KCNA6: variants seen among roughly 807,000 people sequenced by gnomAD.
The protein encoded by KCNA6 is potassium voltage-gated channel subfamily A member 6, also known as human brain potassium channel-2.
A neutral mutation model predicts 29.5 loss-of-function variants in KCNA6; 17 were observed. The observed-to-expected ratio is 0.58, with a 90% CI of 0.39 to 0.86. The LOEUF (loss-of-function observed/expected upper bound fraction) is 0.86, where lower values mean the gene tolerates loss of function less well. Among genes scored for constraint, KCNA6 ranks in the 40% least tolerant of loss-of-function variants. The probability of loss-of-function intolerance (pLI) is 0.00; values close to 1 mark genes in which losing one functional copy is unlikely to be tolerated. For missense variants in KCNA6, 450 were observed against 703.4 expected (o/e 0.64, Z 4.07); for synonymous variants, 296 against 304.7 (o/e 0.97, Z 0.30).
chr12:4,818,084 T>C (rs1025714218), downstream of KCNA6, among the ~76,000 whole-genome samples: 2 of 151,920 alleles, frequency 1.3e-5, no homozygotes, highest in African/African-American at 2.4e-5. Context: ...AAAAAGAACA[T>C]AGGAAGACAG....
the KCNA6 span, among the ~76,000 whole-genome samples, chr12:4,838,469 C>T: frequency 6.6e-6 from 1 of 152,190 alleles, no homozygotes; most frequent in African/African-American, 2.4e-5. Flanking sequence ...AAGACAGCTG[C>T]TTTTCTTGAC....
chr12:4,809,939 AC>A, exon 1 of KCNA6: 1 of 1,359,544 alleles, frequency 7.4e-7, no homozygotes, highest in East Asian at 2.4e-5. Context: ...CGCGGGCCCC[AC>A]CCTAAAGAGG....
At chr12:4,833,924 A>T in the KCNA6 span, among the ~76,000 whole-genome samples, 1 of 114,924 alleles carries the variant, frequency 8.7e-6, no homozygotes, top group East Asian at 2.5e-4. Context: ...CTTCTTTTTT[A>T]AATTAAATTT....
chr12:4,838,093 G>A, the KCNA6 span, among the ~76,000 whole-genome samples: 1 of 152,308 alleles, frequency 6.6e-6, no homozygotes, highest in South Asian at 2.1e-4. Context: ...TTCGGCTGCA[G>A]GGTCTCATAA....
At chr12:4,824,942 C>G in the KCNA6 span, among the ~76,000 whole-genome samples, 3 of 152,108 alleles carry the variant, frequency 2.0e-5, no homozygotes, top group Admixed American at 2.0e-4. Context: ...AATAATTGAG[C>G]AGGAAGAGAA....
At chr12:4,830,812 T>G in the KCNA6 span, among the ~76,000 whole-genome samples, 16 of 152,338 alleles carry the variant, frequency 1.1e-4, no homozygotes, top group African/African-American at 3.6e-4. Flanking sequence ...TTGCAGGCAA[T>G]GCGGGCAGGG....
At chr12:4,835,426 A>G in the KCNA6 span, among the ~76,000 whole-genome samples, 12 of 151,894 alleles carry the variant, frequency 7.9e-5, no homozygotes, top group East Asian at 3.9e-4. Context: ...GAGCCACCAC[A>G]CCTGGCCAAG....
Position 4,810,053 on chromosome 12 carries a change from G to T in KCNA6, c.12G>T (p.Glu4Asp). The change falls in exon 1 of 1, where the codon GAG becomes GAT. Residue 4 changes from glutamate (E) to aspartate (D), a missense_variant. By Grantham distance (45) the Glu-to-Asp change is conservative. Around this residue, in one of 7 missense-constraint regions of KCNA6, gnomAD observed 72 missense variants for 64.2 expected, o/e 1.12. Transcript: ENST00000280684. This position sits in a 1 kb window ranked among gnomAD's most constrained non-coding sequence, Gnocchi z 7.5. ...ACCTCCGAGGGGGCATGAGATCGGA[G>T]AAATCCCTTACGCTGGCGGCGCCGG... 1 of 1,537,642 alleles carries T rather than the reference G, an allele frequency of 6.5e-7. No individual in the cohort carries two copies. The highest frequency in any genetic ancestry group is 8.7e-7 in the Non-Finnish European group (1 of 1,145,532).
chr12:4,810,568 T>C lies in KCNA6; in HGVS notation c.527T>C (p.Ile176Thr), dbSNP rs747477866. 1 of 1,614,162 alleles carries C rather than the reference T, an allele frequency of 6.2e-7. No individual in the cohort carries two copies. The highest frequency in any genetic ancestry group is 8.5e-7 in the Non-Finnish European group (1 of 1,180,028). The change falls in exon 1 of 1, where the codon ATC (isoleucine) becomes ACC (threonine). Residue 176 changes from isoleucine (I) to threonine (T), a missense_variant. Coordinates refer to ENST00000280684, the Ensembl canonical transcript of KCNA6. This position sits in a 1 kb window ranked among gnomAD's most constrained non-coding sequence, Gnocchi z 7.5. ...GAGAGCTCTGGGCCGGCCAGGGGCA[T>C]CGCCATCGTCTCCGTGTTGGTCATT...
At chr12:4,812,364 C>T (rs1946640759) in exon 1 of KCNA6, 2 of 167,268 alleles carry the variant, frequency 1.2e-5, no homozygotes, top group Middle Eastern at 6.7e-3. Flanking sequence ...CTCTGATCCC[C>T]TGACTCTCCA....
chr12:4,829,974 C>T, the KCNA6 span, among the ~76,000 whole-genome samples: 1 of 152,214 alleles, frequency 6.6e-6, no homozygotes, highest in South Asian at 2.1e-4. Context: ...GGCTCATGGC[C>T]AGTCCTGCCA....
Position 4,810,494 on chromosome 12 carries a change from G to C in KCNA6, c.453G>C (p.Leu151=), listed in dbSNP as rs751476842. Residue 151 remains leucine, a synonymous_variant, in exon 1 of 1, where the codon CTG becomes CTC. Coordinates refer to ENST00000280684, the Ensembl canonical transcript of KCNA6. This position sits in a 1 kb window ranked among gnomAD's most constrained non-coding sequence, Gnocchi z 7.5. ...AAGGTGGCGAGGACGAGAAGCCGCTGCCCTCCCAGCCCTTCCAGCGCCAGG... is the reference window on the plus strand; with the variant it reads ...AAGGTGGCGAGGACGAGAAGCCGCTCCCCTCCCAGCCCTTCCAGCGCCAGG... 10 of 1,614,066 alleles carry C rather than the reference G, an allele frequency of 6.2e-6. No individual in the cohort carries two copies. The highest frequency in any genetic ancestry group is 8.5e-7 in the Non-Finnish European group (1 of 1,180,054).
At chr12:4,842,301 T>C in the KCNA6 span, among the ~76,000 whole-genome samples, 95 of 152,168 alleles carry the variant, frequency 6.2e-4, no homozygotes, top group Non-Finnish European at 9.0e-4. Context: ...AAAGACCCCA[T>C]GATGACAGAA....
At chr12:4,813,054 A>G (rs1165861818) in exon 1 of KCNA6, 1 of 167,062 alleles carries the variant, frequency 6.0e-6, no homozygotes, top group Non-Finnish European at 1.5e-5. Context: ...TTTTGGGTGC[A>G]GTTCTGAAAC....
the KCNA6 span, among the ~76,000 whole-genome samples, chr12:4,826,674 G>A: frequency 2.0e-4 from 30 of 152,226 alleles, 1 homozygote; most frequent in African/African-American, 7.2e-4. Context: ...CAACGACTGG[G>A]TTTCTGCTTG....
the KCNA6 span, among the ~76,000 whole-genome samples, chr12:4,841,236 G>A: frequency 1.5e-4 from 23 of 152,068 alleles, 1 homozygote; most frequent in Admixed American, 3.3e-4. Flanking sequence ...TTCTCATGGT[G>A]GCCCCATCAG....
the KCNA6 span, among the ~76,000 whole-genome samples, chr12:4,834,772 C>G: frequency 2.0e-5 from 3 of 152,182 alleles, no homozygotes; most frequent in Non-Finnish European, 2.9e-5. Flanking sequence ...GTCTCCTACT[C>G]TCATCGACCT....
chr12:4,845,984 G>GTTTTT, the KCNA6 span, among the ~76,000 whole-genome samples: 7,556 of 129,232 alleles, frequency 0.058, 414 homozygotes, highest in African/African-American at 0.1. Flanking sequence ...GAATTTTAGA[G>GTTTTT]TTTTTTTTTT....
the KCNA6 span, among the ~76,000 whole-genome samples, chr12:4,835,391 C>A: frequency 6.6e-6 from 1 of 152,184 alleles, no homozygotes; most frequent in African/African-American, 2.4e-5. Flanking sequence ...GCCTCAGCCT[C>A]CCAAAGTGCT....
Sources: gnomAD v4.1 joint callset for allele counts (sites outside exome capture counted in the v4.1 genomes callset) on GRCh38, gnomAD v4.1.1 for gene constraint, gnomAD v4.1.1 regional missense constraint, Gnocchi (gnomAD v3.1) non-coding constraint, MANE v1.5 for transcripts, NCBI Gene and HGNC (gene_info 2026-07-23, HGNC 2026-07-21) for gene names.